COLEC12: variants seen among roughly 807,000 people sequenced by gnomAD.
COLEC12 encodes collectin-12.
COLEC12 carries 33 observed loss-of-function variants against 71.1 expected under a neutral mutation model. The observed-to-expected ratio is 0.46, with a 90% CI of 0.35 to 0.62. The LOEUF is 0.62. Ranked by LOEUF, COLEC12 falls within the 20% of genes least tolerant of loss-of-function variation. The pLI, the probability that COLEC12 is intolerant of heterozygous loss-of-function variation, is 0.00. For synonymous variants in COLEC12, 350 were observed against 353.0 expected (o/e 0.99, Z 0.10); for missense variants, 765 against 916.1 (o/e 0.84, Z 2.13).
chr18:385,316 A>ATT (rs139537913), intron 2 of COLEC12, among the ~76,000 whole-genome samples: 5 of 119,242 alleles, frequency 4.2e-5, no homozygotes, highest in Non-Finnish European at 8.4e-5. Context: ...TTAAAATGGG[A>ATT]TTTTTTTTTT....
rs146553780 is a variant in COLEC12 at position 373,425 on chromosome 18, G to C, written c.59-15903C>G. Reference sequence around the variant, plus strand: ...CATGTGGACACATGGAAACGGATTCGGGCAGGACCAGAACTATTTCCTTAG... The same window carrying C: ...CATGTGGACACATGGAAACGGATTCCGGCAGGACCAGAACTATTTCCTTAG... On this transcript the variant is annotated intron_variant, in intron 2 of 9. Transcript: ENST00000400256. Among the ~76,000 whole-genome samples the C allele has an allele frequency of 2.0e-3, 301 of 152,246 alleles. 4 individuals are homozygous for C. The highest frequency in any genetic ancestry group is 2.9e-5 in the Non-Finnish European group (2 of 68,034).
At chr18:413,795 T>C (rs1915937316) in intron 2 of COLEC12, among the ~76,000 whole-genome samples, 2 of 152,230 alleles carry the variant, frequency 1.3e-5, no homozygotes, top group Non-Finnish European at 2.9e-5. Context: ...TATAACCTGA[T>C]GGAATACTAC....
intron 1 of COLEC12, among the ~76,000 whole-genome samples, chr18:498,185 G>A (rs1186676389): frequency 6.6e-6 from 1 of 152,088 alleles, no homozygotes; most frequent in African/African-American, 2.4e-5. Flanking sequence ...TCTCAGGGCT[G>A]TTGAGAGGAT....
intron 1 of COLEC12, among the ~76,000 whole-genome samples, chr18:499,806 G>C (rs150598729): frequency 6.6e-6 from 1 of 152,184 alleles, no homozygotes; most frequent in African/African-American, 2.4e-5. Flanking sequence ...TCCATAAACC[G>C]GCCTGCAGAG....
chr18:367,493 G>A (rs887025028), intron 2 of COLEC12, among the ~76,000 whole-genome samples: 6 of 152,178 alleles, frequency 3.9e-5, no homozygotes, highest in Admixed American at 2.0e-4. Flanking sequence ...CTTTCTTCAA[G>A]TGAAGATGAT....
intron 3 of COLEC12, 71 bp from the exon 4 acceptor site, chr18:348,234 G>T: frequency 1.1e-6 from 1 of 942,124 alleles, no homozygotes. Context: ...CAAAACAAGA[G>T]ATCATTTCAT....
chr18:487,809 A>T (rs577593244), intron 1 of COLEC12, among the ~76,000 whole-genome samples: 31 of 152,362 alleles, frequency 2.0e-4, no homozygotes, highest in African/African-American at 6.5e-4. Context: ...TCCCAGTGGA[A>T]CAGCCCAACC....
At chr18:410,784 C>T (rs117930017) in intron 2 of COLEC12, among the ~76,000 whole-genome samples, 100 of 150,460 alleles carry the variant, frequency 6.6e-4, no homozygotes, top group Non-Finnish European at 1.3e-3. Context: ...CCAAAGAGCA[C>T]AGACAAAAAA....
At chr18:368,728 T>A (rs539629447) in intron 2 of COLEC12, among the ~76,000 whole-genome samples, 2 of 151,760 alleles carry the variant, frequency 1.3e-5, no homozygotes, top group African/African-American at 2.4e-5. Context: ...TAGCCGGGCG[T>A]GGTGGCGGGC....
chr18:368,798 G>A lies in COLEC12; in HGVS notation c.59-11276C>T, dbSNP rs568628177. Among the ~76,000 whole-genome samples, 381 of 151,986 alleles carry A rather than the reference G, an allele frequency of 2.5e-3. 2 individuals carry two copies. The highest frequency in any genetic ancestry group is 8.1e-3 in the African/African-American group (334 of 41,482). On this transcript the variant is annotated intron_variant, in intron 2 of 9. Transcript: ENST00000400256. ...GGAGAATGGCGTGAACCCGGGAGGC[G>A]GAGCTTGCAGTGAGCCGAGATCACG...
Position 319,377 on chromosome 18 carries a change from T to G in COLEC12, c.*668A>C, listed in dbSNP as rs1913643164. On this transcript the variant is annotated 3_prime_UTR_variant, in exon 10 of 10. Coordinates refer to ENST00000400256, the MANE Select transcript of COLEC12 (RefSeq NM_130386.3). ...ATATATATATATACACATGTATATT[T>G]AATTATTTTTTTAAAGCCACAATTG... is the stretch of plus-strand genomic sequence containing the variant. 1 of 143,754 alleles carries G rather than the reference T, an allele frequency of 7.0e-6. No individual in the cohort carries two copies. Among genetic ancestry groups the G allele is most frequent in the East Asian group, 2.0e-4 (1 of 5,014 alleles). The allele number at this position is 143,754 out of a possible 1,614,324, so 8.9% of individuals were successfully genotyped here.
intron 2 of COLEC12, among the ~76,000 whole-genome samples, chr18:442,399 T>C (rs1279576439): frequency 6.6e-6 from 1 of 152,196 alleles, no homozygotes. Context: ...CCTGGCCCAG[T>C]GGAGCTGTTG....
At chr18:347,430 G>A in intron 4 of COLEC12, 89 bp from the exon 5 acceptor site, 1 of 1,081,916 alleles carries the variant, frequency 9.2e-7, no homozygotes, top group Non-Finnish European at 1.4e-6. Context: ...TAATCGGTAT[G>A]CACTGTATTT....
At chr18:396,272 C>T (rs1915569472) in intron 2 of COLEC12, among the ~76,000 whole-genome samples, 1 of 152,198 alleles carries the variant, frequency 6.6e-6, no homozygotes, top group Admixed American at 6.5e-5. Context: ...TGTGCAACAA[C>T]TCAAAAAGTC....
At chr18:459,507 C>T (rs1396824431) in intron 2 of COLEC12, among the ~76,000 whole-genome samples, 2 of 152,166 alleles carry the variant, frequency 1.3e-5, no homozygotes, top group African/African-American at 2.4e-5. Context: ...CTCATTGGGA[C>T]GTATGTAAAA....
At chr18:442,441 C>T (rs16944558) in intron 2 of COLEC12, among the ~76,000 whole-genome samples, 24,932 of 152,148 alleles carry the variant, frequency 0.16, 2,548 homozygotes, top group East Asian at 0.44. Context: ...CATGCTGATG[C>T]GTAGCACCAA....
intron 2 of COLEC12, among the ~76,000 whole-genome samples, chr18:424,823 G>A (rs1387345234): frequency 6.6e-6 from 1 of 152,194 alleles, no homozygotes; most frequent in Non-Finnish European, 1.5e-5. Context: ...CAGAAACCAA[G>A]GCTCTGCCTT....
chr18:499,911 C>CTCG (rs1451032140), intron 1 of COLEC12, among the ~76,000 whole-genome samples: 3 of 152,232 alleles, frequency 2.0e-5, no homozygotes, highest in African/African-American at 7.2e-5. Flanking sequence ...GGACGCGGAA[C>CTCG]CGAGGGCAAC....
At chr18:436,938 G>A (rs986050839) in intron 2 of COLEC12, among the ~76,000 whole-genome samples, 9 of 152,170 alleles carry the variant, frequency 5.9e-5, no homozygotes, top group East Asian at 5.8e-4. Context: ...GCCATAAAAC[G>A]ATGAGTAGCA....
Sources: allele counts gnomAD v4.1 joint callset (sites outside exome capture counted in the v4.1 genomes callset), GRCh38; gene constraint gnomAD v4.1.1; transcripts MANE v1.5; gene names NCBI Gene and HGNC (gene_info 2026-07-23, HGNC 2026-07-21).